KLHL14: variants seen among roughly 807,000 people sequenced by gnomAD.
KLHL14 encodes the protein kelch-like protein 14.
Under a neutral mutation model 64.3 loss-of-function variants are expected in KLHL14, and 22 were observed. That is an observed-to-expected ratio of 0.34 (90% CI 0.24 to 0.49). The LOEUF (loss-of-function observed/expected upper bound fraction) is 0.49. Ranked by LOEUF, KLHL14 falls within the 20% of genes least tolerant of loss-of-function variation. The probability of loss-of-function intolerance (pLI) is 0.99; values close to 1 mark genes in which losing one functional copy is unlikely to be tolerated. For missense variants in KLHL14, 661 were observed against 789.0 expected (o/e 0.84, Z 1.94); for synonymous variants, 322 against 333.4 (o/e 0.97, Z 0.37).
At chr18:32,718,421 C>T (rs1466554065) in intron 3 of KLHL14, among the ~76,000 whole-genome samples, 1 of 152,176 alleles carries the variant, frequency 6.6e-6, no homozygotes, top group Non-Finnish European at 1.5e-5. Flanking sequence ...AGTGAAATTT[C>T]CCATGCACCT....
At chr18:32,719,172 TC>T in intron 3 of KLHL14, among the ~76,000 whole-genome samples, 1 of 152,342 alleles carries the variant, frequency 6.6e-6, no homozygotes, top group East Asian at 1.9e-4. Flanking sequence ...GGTCTCAAAC[TC>T]CCGACCTCAG....
At chr18:32,699,927 A>ATT (rs557703756) in intron 3 of KLHL14, among the ~76,000 whole-genome samples, 3 of 143,618 alleles carry the variant, frequency 2.1e-5, no homozygotes, top group Non-Finnish European at 3.1e-5. Flanking sequence ...CTGTTGGCAG[A>ATT]TTTTTTTTTT....
intron 8 of KLHL14, among the ~76,000 whole-genome samples, chr18:32,675,225 T>C (rs997290659): frequency 1.3e-5 from 2 of 152,076 alleles, no homozygotes; most frequent in Admixed American, 6.5e-5. Context: ...AAATTGGGCA[T>C]GATAGTGCAC....
intron 3 of KLHL14, among the ~76,000 whole-genome samples, chr18:32,728,537 A>G (rs186284066): frequency 1.9e-3 from 291 of 152,302 alleles, no homozygotes; most frequent in Admixed American, 4.4e-3. Flanking sequence ...AGTTATGTCA[A>G]GTCCTTACTC....
At chr18:32,747,859 C>T (rs2050231506) in intron 2 of KLHL14, among the ~76,000 whole-genome samples, 1 of 152,134 alleles carries the variant, frequency 6.6e-6, no homozygotes, top group South Asian at 2.1e-4. Context: ...TATATTTCTT[C>T]TAATTAAAAT....
intron 3 of KLHL14, among the ~76,000 whole-genome samples, chr18:32,702,821 C>T (rs887924620): frequency 6.6e-6 from 1 of 152,198 alleles, no homozygotes; most frequent in African/African-American, 2.4e-5. Flanking sequence ...TCTCCCTTAC[C>T]TCCTACTTGT....
At chr18:32,739,642 G>GCGCA (rs1468944752) in intron 3 of KLHL14, among the ~76,000 whole-genome samples, 5 of 147,188 alleles carry the variant, frequency 3.4e-5, no homozygotes, top group African/African-American at 9.9e-5. Context: ...TAAGAACTTT[G>GCGCA]CACACACACA....
At position 32,770,704 on chromosome 18, in the gene KLHL14, T is replaced by C. The variant is rs967869473; in HGVS notation, c.-43-70A>G. On this transcript the variant is annotated intron_variant, in intron 1 of 8. Coordinates refer to ENST00000359358, the MANE Select transcript of KLHL14 (RefSeq NM_020805.3). The surrounding 1 kb of genome is among the most constrained non-coding windows in gnomAD (Gnocchi z 6.7). Reference sequence around the variant, plus strand: ...TGGAGCGGGTGGGGTGTGGTCGGGGTGGGGAAGGGTGTGGAGGGGAGGGGA... The same window carrying C: ...TGGAGCGGGTGGGGTGTGGTCGGGGCGGGGAAGGGTGTGGAGGGGAGGGGA... The C allele has an allele frequency of 7.5e-5, 1 of 13,254 alleles. No individual in the cohort carries two copies. The highest frequency in any genetic ancestry group is 1.5e-4 in the Non-Finnish European group (1 of 6,750). 0.8% of individuals were successfully genotyped at this position (13,254 alleles called of 1,614,324 possible).
chr18:32,675,276 T>C (rs1417512522), intron 8 of KLHL14, among the ~76,000 whole-genome samples: 1 of 152,158 alleles, frequency 6.6e-6, no homozygotes, highest in Non-Finnish European at 1.5e-5. Flanking sequence ...GACAGGAGGA[T>C]CGTGGTTACA....
intron 2 of KLHL14, among the ~76,000 whole-genome samples, chr18:32,757,936 GTA>G (rs1265521006): frequency 1.3e-5 from 2 of 152,178 alleles, no homozygotes; most frequent in Non-Finnish European, 2.9e-5. Context: ...TTTGCAAATA[GTA>G]TAACATGTTC....
intron 3 of KLHL14, among the ~76,000 whole-genome samples, chr18:32,703,651 A>G (rs2049976698): frequency 6.6e-6 from 1 of 152,238 alleles, no homozygotes; most frequent in African/African-American, 2.4e-5. Flanking sequence ...AAGCAGTGAC[A>G]TTAATGTGAT....
rs2144462620 is a variant in KLHL14, at chr18:32,677,323, G to A, written c.1596C>T (p.Ser532=). 2.5e-6 allele frequency: 4 copies of A among 1,611,254 alleles called. No individual in the cohort carries two copies. The highest frequency in any genetic ancestry group is 3.4e-6 in the Non-Finnish European group (4 of 1,178,584). The change falls in exon 8 of 9, where the codon TCC becomes TCT. Residue 532 remains serine (S), a synonymous_variant. Coordinates refer to ENST00000359358, the MANE Select transcript of KLHL14 (RefSeq NM_020805.3). The part of the protein sequence containing the change: ...AIGGNHLKGF[S]HLDVMLVECY... The stretch of plus-strand genomic sequence containing the variant: ...ATTCCACAAGCATTACATCAAGGTG[G>A]GAGAAACCTAAGTGACAGAACAAAG...
chr18:32,743,014 G>A (rs1300162707), intron 2 of KLHL14: 2 of 152,236 alleles, frequency 1.3e-5, no homozygotes, highest in Admixed American at 1.3e-4. Context: ...CAGCACACTC[G>A]ACCTGATGGA....
At position 32,702,341 on chromosome 18, in the gene KLHL14, G is replaced by T. The variant is rs868361681; in HGVS notation, c.1070-6789C>A. On this transcript the variant is annotated intron_variant, in intron 3 of 8. Coordinates refer to ENST00000359358, the MANE Select transcript of KLHL14 (RefSeq NM_020805.3). ...TGCCATGGGCTCTTAGAGGTTTTTT[G>T]TTTTTTTTTTTTTTAAAAAAAAGTC... Among the ~76,000 whole-genome samples the T allele has an allele frequency of 9.7e-3, 1,202 of 123,878 alleles. 15 individuals are homozygous for T. The highest frequency in any genetic ancestry group is 0.029 in the African/African-American group (921 of 31,594). The allele number at this position is 123,878 out of a possible 152,430, so 81.3% of individuals were successfully genotyped here. A position where few individuals can be genotyped will look rare whatever the true frequency, so the allele number is the denominator to read the frequency against.
At chr18:32,764,004 A>T (rs994788423) in intron 2 of KLHL14, among the ~76,000 whole-genome samples, 1 of 152,232 alleles carries the variant, frequency 6.6e-6, no homozygotes, top group African/African-American at 2.4e-5. Flanking sequence ...TGATCCACTC[A>T]TAAGTCAGGA....
intron 3 of KLHL14, among the ~76,000 whole-genome samples, chr18:32,729,465 C>T (rs146984977): frequency 2.4e-4 from 36 of 152,280 alleles, no homozygotes; most frequent in African/African-American, 7.0e-4. Context: ...TCACTGTGTA[C>T]GTAAAGTGCT....
At chr18:32,742,081 C>T in intron 2 of KLHL14, 32 bp from the exon 3 acceptor site, 4 of 1,607,524 alleles carry the variant, frequency 2.5e-6, no homozygotes, top group Non-Finnish European at 3.4e-6. Context: ...AGATGAATAA[C>T]CACATTACTG....
At chr18:32,720,921 C>T (rs1233999885) in intron 3 of KLHL14, among the ~76,000 whole-genome samples, 4 of 152,156 alleles carry the variant, frequency 2.6e-5, no homozygotes, top group Non-Finnish European at 5.9e-5. Flanking sequence ...TTATAATGGC[C>T]ATTACTCTCC....
chr18:32,742,134 T>C lies in KLHL14; in HGVS notation c.948-85A>G, dbSNP rs1358347822. 4.2e-6 allele frequency: 6 copies of C among 1,415,802 alleles called. No homozygotes were observed. The African/African-American group carries it at 4.4e-5, about 10-fold the overall frequency. 87.7% of individuals were successfully genotyped at this position (1,415,802 alleles called of 1,614,324 possible). ...CAACGAAATCATAACCATCAAAGAA[T>C]GTTCCTTGCTTGCAGATATCTGTTT... On this transcript the variant is annotated intron_variant, in intron 2 of 8. Transcript: ENST00000359358.
Sources: allele counts gnomAD v4.1 joint callset (sites outside exome capture counted in the v4.1 genomes callset), GRCh38; gene constraint gnomAD v4.1.1; non-coding constraint Gnocchi (gnomAD v3.1); transcripts MANE v1.5; gene names NCBI Gene and HGNC (gene_info 2026-07-23, HGNC 2026-07-21).